The following GOLGA7B variants were observed in gnomAD, a reference collection of about 807,000 sequenced individuals.
GOLGA7B encodes the protein golgin A7 family member B, also known as golgin subfamily A member 7B.
GOLGA7B carries 17 observed loss-of-function variants against 21.5 expected under a neutral mutation model. The ratio of observed to expected loss-of-function variants is 0.79; its 90% CI spans 0.54 to 1.19. GOLGA7B has a LOEUF of 1.19. Among genes scored for constraint, GOLGA7B ranks in the 50% most tolerant of loss-of-function variants. GOLGA7B has a pLI of 0.00. For missense variants in GOLGA7B, 169 were observed against 224.4 expected, an observed-to-expected ratio of 0.75 and a Z score of 1.58; for synonymous variants, 87 against 84.0, an observed-to-expected ratio of 1.04 and a Z score of -0.19.
intron 2 of GOLGA7B, among the ~76,000 whole-genome samples, chr10:97,861,019 T>C (rs923487818): frequency 7.9e-5 from 12 of 152,206 alleles, no homozygotes; most frequent in Admixed American, 7.2e-4. Context: ...TCCTTGTTAC[T>C]AAAACTGTGG....
At chr10:97,864,974 A>G (rs935724810) in intron 4 of GOLGA7B, 1 of 152,516 alleles carries the variant, frequency 6.6e-6, no homozygotes, top group Non-Finnish European at 1.5e-5. Flanking sequence ...GGAGAAACAG[A>G]GTCAAAAAAC....
At chr10:97,859,307 GA>G in intron 1 of GOLGA7B, 150 bp from the exon 2 acceptor site, 1 of 700,566 alleles carries the variant, frequency 1.4e-6, no homozygotes, top group Non-Finnish European at 2.3e-6. Flanking sequence ...TGGCCTCTTG[GA>G]GCACCTGTAG....
intron 1 of GOLGA7B, among the ~76,000 whole-genome samples, chr10:97,853,031 G>A (rs555483470): frequency 3.3e-5 from 5 of 152,168 alleles, no homozygotes; most frequent in African/African-American, 4.8e-5. Context: ...GGTGGGGTTT[G>A]GTCTCTAAGA....
At chr10:97,861,733 G>T (rs1006607433) in intron 2 of GOLGA7B, among the ~76,000 whole-genome samples, 1 of 152,250 alleles carries the variant, frequency 6.6e-6, no homozygotes, top group East Asian at 1.9e-4. Flanking sequence ...GGCAGGGATG[G>T]TCTGTACTGA....
At chr10:97,855,133 G>A (rs1377076209) in intron 1 of GOLGA7B, among the ~76,000 whole-genome samples, 2 of 152,178 alleles carry the variant, frequency 1.3e-5, no homozygotes, top group East Asian at 1.9e-4. Flanking sequence ...CTAGCCAGTC[G>A]CTAGAGACAC....
intron 1 of GOLGA7B, 22 bp downstream of exon 1, chr10:97,850,337 G>C: frequency 6.6e-7 from 1 of 1,509,800 alleles, no homozygotes; most frequent in Non-Finnish European, 8.9e-7. Context: ...CGCCCCACCC[G>C]CAGGCAGTGC....
rs1224010336 is a variant in GOLGA7B, at chr10:97,870,555, A to G, written c.*4855A>G. 1.3e-5 allele frequency: 2 copies of G among 152,120 alleles called. No homozygotes were observed. The highest frequency in any genetic ancestry group is 4.8e-5 in the African/African-American group (2 of 41,414). 9.4% of individuals were successfully genotyped at this position (152,120 alleles called of 1,614,324 possible). A position where few individuals can be genotyped will look rare whatever the true frequency, so the allele number is the denominator to read the frequency against. Reference sequence around the variant, plus strand: ...GTGCTCACTTCATGAGAATTCACTGAGCTGTATACTTAAGAGCTGTGTATT... The same window carrying G: ...GTGCTCACTTCATGAGAATTCACTGGGCTGTATACTTAAGAGCTGTGTATT... On this transcript the variant is annotated 3_prime_UTR_variant, in exon 5 of 5. Transcript: ENST00000370602.
chr10:97,864,093 C>T lies in GOLGA7B; in HGVS notation c.291+11C>T. 1 of 1,613,894 alleles carries T rather than the reference C, an allele frequency of 6.2e-7. No individual in the cohort carries two copies. The highest frequency in any genetic ancestry group is 8.5e-7 in the Non-Finnish European group (1 of 1,179,788). On this transcript the variant is annotated intron_variant, in intron 3 of 4. Transcript: ENST00000370602. Reference sequence around the variant, plus strand: ...ACCCACTATGAGAAGGTGGCCCCTCCCGCCCCACCGTGCATCCCTTCCCTC... The same window carrying T: ...ACCCACTATGAGAAGGTGGCCCCTCTCGCCCCACCGTGCATCCCTTCCCTC...
Position 97,865,706 on chromosome 10 carries a change from C to A in GOLGA7B, c.*6C>A. ...GTGGGGCGGGGGCCCGGTGACTGGC[C>A]GAGAGTCCCTGTAGGGAGGTGTATG... On this transcript the variant is annotated 3_prime_UTR_variant, in exon 5 of 5. Coordinates refer to ENST00000370602, the MANE Select transcript of GOLGA7B (RefSeq NM_001010917.3). 1 of 1,602,404 alleles carries A rather than the reference C, an allele frequency of 6.2e-7. No homozygotes were observed. The highest frequency in any genetic ancestry group is 8.5e-7 in the Non-Finnish European group (1 of 1,174,800).
At chr10:97,857,686 T>C (rs572784314) in intron 1 of GOLGA7B, among the ~76,000 whole-genome samples, 1 of 152,086 alleles carries the variant, frequency 6.6e-6, no homozygotes, top group Admixed American at 6.6e-5. Flanking sequence ...CAAAGAACAA[T>C]CCTATGCAAA....
intron 1 of GOLGA7B, among the ~76,000 whole-genome samples, chr10:97,856,180 C>G (rs1227156285): frequency 6.6e-6 from 1 of 152,138 alleles, no homozygotes; most frequent in Non-Finnish European, 1.5e-5. Flanking sequence ...ACCCATCACC[C>G]AAGTAGTGAA....
intron 2 of GOLGA7B, 81 bp from the exon 3 acceptor site, chr10:97,863,849 C>T (rs1335983646): frequency 1.4e-6 from 2 of 1,440,828 alleles, no homozygotes; most frequent in African/African-American, 1.4e-5. Flanking sequence ...CATGGCCCCA[C>T]CATTGTCACT....
chr10:97,859,153 C>T (rs2049954926), intron 1 of GOLGA7B, among the ~76,000 whole-genome samples: 2 of 152,198 alleles, frequency 1.3e-5, no homozygotes, highest in Non-Finnish European at 1.5e-5. Context: ...TCCTGGACTC[C>T]AGCAATGCTC....
intron 2 of GOLGA7B, among the ~76,000 whole-genome samples, chr10:97,862,992 C>T (rs2049980500): frequency 6.6e-6 from 1 of 152,106 alleles, no homozygotes; most frequent in Non-Finnish European, 1.5e-5. Flanking sequence ...CCAGGGGTAG[C>T]AGGGTCGGGC....
intron 1 of GOLGA7B, among the ~76,000 whole-genome samples, chr10:97,859,170 C>T: frequency 6.6e-6 from 1 of 152,230 alleles, no homozygotes; most frequent in East Asian, 1.9e-4. Flanking sequence ...GCTCCCACCT[C>T]AGCCTCCCAA....
rs1261658091 is a variant in GOLGA7B at position 97,870,766 on chromosome 10, T to A, written c.*5066T>A. The A allele has an allele frequency of 6.6e-6, 1 of 152,034 alleles. No homozygotes were observed. The highest frequency in any genetic ancestry group is 2.4e-5 in the African/African-American group (1 of 41,378). The allele number at this position is 152,034 out of a possible 1,614,324, so 9.4% of individuals were successfully genotyped here. ...TGTGTGTGTGTGTGTGAAAATGTAA[T>A]GTCTGCTCTGCTGTGGGTGGGCCCT... On this transcript the variant is annotated 3_prime_UTR_variant, in exon 5 of 5. Coordinates refer to ENST00000370602, the MANE Select transcript of GOLGA7B (RefSeq NM_001010917.3).
At position 97,850,031 on chromosome 10, in the gene GOLGA7B, G is replaced by T. The variant is rs1291530230; in HGVS notation, c.-273G>T. On this transcript the variant is annotated 5_prime_UTR_variant, in exon 1 of 5. Coordinates refer to ENST00000370602, the MANE Select transcript of GOLGA7B (RefSeq NM_001010917.3). The stretch of plus-strand genomic sequence containing the variant: ...GCCTGCAGGAGCCGCGGCAGCGGGC[G>T]ATCGGGCCGTGAGGAGCCTCGGGCG... Among the ~76,000 whole-genome samples, 1 of 149,802 alleles carries T rather than the reference G, an allele frequency of 6.7e-6. No individual in the cohort carries two copies. Among genetic ancestry groups the T allele is most frequent in the African/African-American group, 2.4e-5 (1 of 41,026 alleles).
In GOLGA7B at chr10:97,865,387, C is replaced by G. The variant is rs2050007575; in HGVS notation, c.394-203C>G. On this transcript the variant is annotated intron_variant, in intron 4 of 4. Coordinates refer to ENST00000370602, the MANE Select transcript of GOLGA7B (RefSeq NM_001010917.3). ...CTATGTGCCCAGCACAGGGCCTGGC[C>G]TTACGAGTCTCCCTAATTGTTAGCT... The G allele has an allele frequency of 5.8e-6, 5 of 859,794 alleles. No individual in the cohort carries two copies. The Admixed American group carries it at 1.5e-4, about 26-fold the overall frequency. The allele number at this position is 859,794 out of a possible 1,614,324, so 53.3% of individuals were successfully genotyped here. A position where few individuals can be genotyped will look rare whatever the true frequency, so the allele number is the denominator to read the frequency against.
In GOLGA7B at chr10:97,865,823, TGGG is replaced by T; in HGVS notation, c.*124_*126del. ...TTTGGGCTCACCCTGCTGCCCGGGG[TGGG>T]AGGGAGGGTGACGGGCCTCATATTT... is the stretch of plus-strand genomic sequence containing the variant. On this transcript the variant is annotated 3_prime_UTR_variant, in exon 5 of 5. Transcript: ENST00000370602. The T allele has an allele frequency of 1.4e-5, 6 of 423,966 alleles. No homozygotes were observed. The highest frequency in any genetic ancestry group is 3.5e-5 in the Admixed American group (1 of 28,496). The allele number at this position is 423,966 out of a possible 1,614,324, so 26.3% of individuals were successfully genotyped here. A position where few individuals can be genotyped will look rare whatever the true frequency, so the allele number is the denominator to read the frequency against.
Sources: allele counts gnomAD v4.1 joint callset (sites outside exome capture counted in the v4.1 genomes callset), GRCh38; gene constraint gnomAD v4.1.1; transcripts MANE v1.5; gene names NCBI Gene and HGNC (gene_info 2026-07-23, HGNC 2026-07-21).